PPM1H: variants seen among roughly 807,000 people sequenced by gnomAD.
PPM1H encodes protein phosphatase 1H.
PPM1H carries 27 observed loss-of-function variants against 54.9 expected under a neutral mutation model. The observed-to-expected ratio is 0.49, with a 90% CI of 0.36 to 0.68. The LOEUF is 0.68. PPM1H is among the 30% of genes least tolerant of loss of function. The pLI is 0.00. For missense variants in PPM1H, 596 were observed against 667.8 expected, an observed-to-expected ratio of 0.89 and a Z score of 1.19; for synonymous variants, 305 against 270.8, an observed-to-expected ratio of 1.13 and a Z score of -1.24.
At chr12:62,902,493 C>T (rs914041571) in intron 1 of PPM1H, among the ~76,000 whole-genome samples, 2 of 152,192 alleles carry the variant, frequency 1.3e-5, no homozygotes, top group East Asian at 3.9e-4. Flanking sequence ...GGAACATTTT[C>T]CAGACAAAGC....
At chr12:62,847,905 T>C (rs891522953) in intron 1 of PPM1H, among the ~76,000 whole-genome samples, 28 of 152,280 alleles carry the variant, frequency 1.8e-4, no homozygotes, top group South Asian at 8.3e-4. Context: ...TGTTGGAAAT[T>C]CCACAGACTC....
In PPM1H at chr12:62,755,741, G is replaced by A. The variant is rs1345682763; in HGVS notation, c.870-18155C>T. On this transcript the variant is annotated intron_variant, in intron 4 of 9. Coordinates refer to ENST00000228705, the MANE Select transcript of PPM1H (RefSeq NM_020700.2). ...CATGACAACTCCGGTATCGTGGAAGGACTCATGAATGACCACAGTCCATGC... is the reference window on the plus strand; with the variant it reads ...CATGACAACTCCGGTATCGTGGAAGAACTCATGAATGACCACAGTCCATGC... 9.0e-6 allele frequency: 7 copies of A among 778,782 alleles called. No homozygotes were observed. In the Admixed American group the frequency reaches 1.4e-4, roughly 16 times the overall value. The allele number at this position is 778,782 out of a possible 1,614,324, so 48.2% of individuals were successfully genotyped here.
intron 6 of PPM1H, among the ~76,000 whole-genome samples, chr12:62,697,289 G>A (rs1298076566): frequency 6.6e-6 from 1 of 152,080 alleles, no homozygotes; most frequent in East Asian, 1.9e-4. Context: ...ACCGTGCCCA[G>A]CTAATTTTTG....
intron 1 of PPM1H, among the ~76,000 whole-genome samples, chr12:62,904,037 C>T (rs1320789551): frequency 2.0e-5 from 3 of 151,878 alleles, no homozygotes; most frequent in East Asian, 1.9e-4. Context: ...AAACGTAATA[C>T]GAAGTCGAAA....
chr12:62,707,353 T>TG (rs1366871076), intron 6 of PPM1H, among the ~76,000 whole-genome samples: 1 of 152,178 alleles, frequency 6.6e-6, no homozygotes, highest in Non-Finnish European at 1.5e-5. Flanking sequence ...GAACAGTCAC[T>TG]GGCTCACTGC....
At chr12:62,757,660 A>G (rs12825653) in intron 4 of PPM1H, among the ~76,000 whole-genome samples, 13,904 of 152,252 alleles carry the variant, frequency 0.091, 737 homozygotes, top group East Asian at 0.19. Context: ...TGTCTTTACA[A>G]TAGAATTATT....
intron 1 of PPM1H, among the ~76,000 whole-genome samples, chr12:62,890,714 G>A (rs1239980975): frequency 1.4e-4 from 16 of 115,354 alleles, no homozygotes. Context: ...TCGTGTGTGT[G>A]TATACACACA....
chr12:62,841,860 C>T (rs980762664), intron 1 of PPM1H, among the ~76,000 whole-genome samples: 1 of 152,164 alleles, frequency 6.6e-6, no homozygotes, highest in African/African-American at 2.4e-5. Context: ...AGATTTCCCC[C>T]CATAAATATC....
At chr12:62,835,459 C>T (rs536558086) in intron 1 of PPM1H, among the ~76,000 whole-genome samples, 42 of 152,292 alleles carry the variant, frequency 2.8e-4, no homozygotes, top group African/African-American at 9.6e-4. Flanking sequence ...CTATTCTTGT[C>T]GGTGCCTGGT....
chr12:62,877,251 G>A (rs1472693237), intron 1 of PPM1H, among the ~76,000 whole-genome samples: 1 of 152,072 alleles, frequency 6.6e-6, no homozygotes, highest in Non-Finnish European at 1.5e-5. Flanking sequence ...TGTTTTCATG[G>A]CTGTTGTGTC....
chr12:62,808,411 A>G (rs1453988447), intron 2 of PPM1H, among the ~76,000 whole-genome samples: 1 of 152,144 alleles, frequency 6.6e-6, no homozygotes, highest in Non-Finnish European at 1.5e-5. Flanking sequence ...CTTAATTTAT[A>G]CATAGTGCCA....
At chr12:62,797,847 G>T (rs1422036724) in intron 3 of PPM1H, among the ~76,000 whole-genome samples, 2 of 152,148 alleles carry the variant, frequency 1.3e-5, no homozygotes, top group East Asian at 3.9e-4. Context: ...AAAAACAAGA[G>T]CATCTGTGAT....
In PPM1H at chr12:62,844,812, C is replaced by A. The variant is rs668562; in HGVS notation, c.246-12533G>T. Among the ~76,000 whole-genome samples the A allele has an allele frequency of 0.78, 118,601 of 152,208 alleles. 46,964 individuals are homozygous for A. The highest frequency in any genetic ancestry group is 0.92 in the East Asian group (4,784 of 5,182). On this transcript the variant is annotated intron_variant, in intron 1 of 9. Transcript: ENST00000228705. This position sits in a 1 kb window ranked among gnomAD's most constrained non-coding sequence, Gnocchi z 5.2. ...CATGGGAGAGAGACTAGAATAATGA[C>A]GGTGTTCTAAGCCTGCCTATATATT... is the stretch of plus-strand genomic sequence containing the variant.
intron 8 of PPM1H, among the ~76,000 whole-genome samples, chr12:62,683,179 G>A (rs1197066190): frequency 2.7e-5 from 4 of 145,758 alleles, no homozygotes; most frequent in Admixed American, 1.4e-4. Flanking sequence ...CAAAGTGCTG[G>A]GATTACAGGT....
rs149679269 is a variant in PPM1H, at chr12:62,815,097, ACTTCATGAAAGAC to A, written c.412-12950_412-12938del. ...GTAGAGATGAGAAAACATTTGAGTG[ACTTCATGAAAGAC>A]CTTCCTAGGGCTCACGTTCTATTGC... On this transcript the variant is annotated intron_variant, in intron 2 of 9. Transcript: ENST00000228705. Among the ~76,000 whole-genome samples, 637 of 152,326 alleles carry A rather than the reference ACTTCATGAAAGAC, an allele frequency of 4.2e-3. 6 individuals carry two copies. Among genetic ancestry groups the A allele is most frequent in the African/African-American group, 0.015 (616 of 41,560 alleles).
At chr12:62,910,473 C>T (rs1050234827) in intron 1 of PPM1H, among the ~76,000 whole-genome samples, 1 of 151,892 alleles carries the variant, frequency 6.6e-6, no homozygotes, top group Non-Finnish European at 1.5e-5. Flanking sequence ...ATTCTTTGGA[C>T]ATTTTCTCTA....
intron 2 of PPM1H, among the ~76,000 whole-genome samples, chr12:62,805,779 A>G (rs1264295682): frequency 6.6e-6 from 1 of 152,224 alleles, no homozygotes; most frequent in Non-Finnish European, 1.5e-5. Context: ...AATGTACAGT[A>G]TGGTGACTTT....
chr12:62,916,900 T>C (rs1871641611), intron 1 of PPM1H, among the ~76,000 whole-genome samples: 1 of 140,434 alleles, frequency 7.1e-6, no homozygotes, highest in African/African-American at 2.7e-5. Flanking sequence ...ACATCTGAAA[T>C]GAACAGACCA....
chr12:62,914,148 G>A (rs1053724250), intron 1 of PPM1H, among the ~76,000 whole-genome samples: 1 of 152,176 alleles, frequency 6.6e-6, no homozygotes, highest in Admixed American at 6.5e-5. Context: ...CTCAAGAATG[G>A]CTTGGTGCAT....
Sources: gnomAD v4.1 joint callset for allele counts (sites outside exome capture counted in the v4.1 genomes callset) on GRCh38, gnomAD v4.1.1 for gene constraint, Gnocchi (gnomAD v3.1) non-coding constraint, MANE v1.5 for transcripts, NCBI Gene and HGNC (gene_info 2026-07-23, HGNC 2026-07-21) for gene names.